Variants in IGSF21 observed in about 807,000 individuals in gnomAD.
The protein encoded by IGSF21 is immunoglobulin superfamily member 21.
Under a neutral mutation model 46.8 loss-of-function variants are expected in IGSF21, and 28 were observed. The observed-to-expected ratio is 0.60, with a 90% CI of 0.44 to 0.82. The LOEUF (loss-of-function observed/expected upper bound fraction) is 0.82, where lower values mean the gene tolerates loss of function less well. Among genes scored for constraint, IGSF21 ranks in the 40% least tolerant of loss-of-function variants. The pLI is 0.00. For synonymous variants in IGSF21, 284 were observed against 273.6 expected (o/e 1.04, Z -0.38); for missense variants, 624 against 665.5 (o/e 0.94, Z 0.69).
At chr1:18,116,916 G>C (rs1003337839) in intron 1 of IGSF21, among the ~76,000 whole-genome samples, 2 of 152,188 alleles carry the variant, frequency 1.3e-5, no homozygotes, top group African/African-American at 4.8e-5. Context: ...GGCAAGTGAG[G>C]GTTGGAGCTA....
Position 18,297,380 on chromosome 1 carries a change from A to G in IGSF21, c.305+5393A>G, listed in dbSNP as rs549481923. Among the ~76,000 whole-genome samples the G allele has an allele frequency of 2.0e-5, 3 of 152,288 alleles. No homozygotes were observed. In the East Asian group the frequency reaches 5.8e-4, roughly 29 times the overall value. On this transcript the variant is annotated intron_variant, in intron 3 of 9. Transcript: ENST00000251296. ...CCCCCAACACTCACATCATTCATTC[A>G]TCACAAAGGAATTGAGTAGTTACCA...
chr1:18,177,635 C>T (rs181177569), intron 1 of IGSF21, among the ~76,000 whole-genome samples: 5 of 152,144 alleles, frequency 3.3e-5, no homozygotes, highest in African/African-American at 9.6e-5. Flanking sequence ...CCTTAATTTG[C>T]ATGGGTTTGC....
rs113148175 is a variant in IGSF21 at position 18,308,170 on chromosome 1, G to A, written c.305+16183G>A. Among the ~76,000 whole-genome samples, 69 of 152,066 alleles carry A rather than the reference G, an allele frequency of 4.5e-4. 1 individual carries two copies. Among genetic ancestry groups the A allele is most frequent in the African/African-American group, 2.7e-4 (11 of 41,412 alleles). The stretch of plus-strand genomic sequence containing the variant: ...CTCATCACCGCCAAACGCTCACCCC[G>A]GTTCCCACAGAGCTCAGCACAAAGA... On this transcript the variant is annotated intron_variant, in intron 3 of 9. Transcript: ENST00000251296.
At chr1:18,208,512 G>A (rs2084356775) in intron 1 of IGSF21, among the ~76,000 whole-genome samples, 1 of 147,054 alleles carries the variant, frequency 6.8e-6, no homozygotes, top group Non-Finnish European at 1.5e-5. Flanking sequence ...CTCCCGAGCA[G>A]CTGGGACTAC....
rs145082193 is a variant in IGSF21, at chr1:18,164,025, C to A, written c.70+55827C>A. On this transcript the variant is annotated intron_variant, in intron 1 of 9. Coordinates refer to ENST00000251296, the MANE Select transcript of IGSF21 (RefSeq NM_032880.5). ...ATGAACGTGAAAAGAAGTAGAGAATCCACCAATGGGAGACTGCCCAGTGGC... is the reference window on the plus strand; with the variant it reads ...ATGAACGTGAAAAGAAGTAGAGAATACACCAATGGGAGACTGCCCAGTGGC... Among the ~76,000 whole-genome samples, 128 of 152,272 alleles carry A rather than the reference C, an allele frequency of 8.4e-4. 6 individuals are homozygous for A. The East Asian group carries it at 0.019, about 22-fold the overall frequency.
intron 1 of IGSF21, among the ~76,000 whole-genome samples, chr1:18,205,302 T>G (rs1408434319): frequency 6.6e-6 from 1 of 152,204 alleles, no homozygotes; most frequent in African/African-American, 2.4e-5. Flanking sequence ...AATAAACATA[T>G]ATGATTCTTG....
intron 2 of IGSF21, among the ~76,000 whole-genome samples, chr1:18,247,770 C>T (rs1269742531): frequency 2.0e-5 from 3 of 152,166 alleles, no homozygotes; most frequent in African/African-American, 7.2e-5. Context: ...ATCCCCATAG[C>T]AACCCTAGGG....
At chr1:18,239,941 C>A (rs1448481235) in intron 2 of IGSF21, among the ~76,000 whole-genome samples, 1 of 152,164 alleles carries the variant, frequency 6.6e-6, no homozygotes, top group African/African-American at 2.4e-5. Context: ...TTCTTGAGTA[C>A]CAACTAGTGC....
At position 18,335,081 on chromosome 1, in the gene IGSF21, G is replaced by A. The variant is rs373760581; in HGVS notation, c.424+71G>A. Reference sequence around the variant, plus strand: ...AGTATGCTTGAGTGTGTGAATGTGCGCACAGAGTGGCCATCCTGGGGGCCA... The same window carrying A: ...AGTATGCTTGAGTGTGTGAATGTGCACACAGAGTGGCCATCCTGGGGGCCA... On this transcript the variant is annotated intron_variant, in intron 4 of 9. Transcript: ENST00000251296. This position sits in a 1 kb window ranked among gnomAD's most constrained non-coding sequence, Gnocchi z 4.8. 4.3e-4 allele frequency: 496 copies of A among 1,162,202 alleles called. 5 individuals carry two copies. In the South Asian group the frequency reaches 5.5e-3, roughly 13 times the overall value. 72.0% of individuals were successfully genotyped at this position (1,162,202 alleles called of 1,614,324 possible).
chr1:18,122,193 C>CTTTTTTTTTTTTTTTTTTTTT (rs766563472), intron 1 of IGSF21, among the ~76,000 whole-genome samples: 2 of 78,762 alleles, frequency 2.5e-5, no homozygotes, highest in Admixed American at 1.7e-4. Flanking sequence ...TTCTTTCTTT[C>CTTTTTTTTTTTTTTTTTTTTT]TTTTTTTTTT....
intron 2 of IGSF21, among the ~76,000 whole-genome samples, chr1:18,284,683 G>A (rs1010589263): frequency 1.6e-4 from 24 of 152,194 alleles, no homozygotes; most frequent in African/African-American, 5.8e-4. Flanking sequence ...CAGTAAAACT[G>A]AGTCCCTTTC....
At chr1:18,242,272 C>A (rs189492942) in intron 2 of IGSF21, among the ~76,000 whole-genome samples, 1 of 152,126 alleles carries the variant, frequency 6.6e-6, no homozygotes, top group African/African-American at 2.4e-5. Context: ...GCCCCTTCTC[C>A]CCCACGCTGC....
At chr1:18,269,753 C>T (rs2085025194) in intron 2 of IGSF21, among the ~76,000 whole-genome samples, 1 of 152,174 alleles carries the variant, frequency 6.6e-6, no homozygotes, top group African/African-American at 2.4e-5. Flanking sequence ...TTCTTGCTCT[C>T]CAATGGTGAT....
chr1:18,223,724 T>A (rs1195713480), intron 1 of IGSF21, among the ~76,000 whole-genome samples: 1 of 152,198 alleles, frequency 6.6e-6, no homozygotes, highest in Non-Finnish European at 1.5e-5. Flanking sequence ...GACATACTCA[T>A]GGTCGTGGCA....
At chr1:18,315,529 G>A (rs1462583444) in intron 3 of IGSF21, among the ~76,000 whole-genome samples, 3 of 150,734 alleles carry the variant, frequency 2.0e-5, no homozygotes, top group African/African-American at 7.3e-5. Context: ...GTGTAGAATT[G>A]TTGGATGAGT....
chr1:18,301,822 C>T (rs2085364879), intron 3 of IGSF21, among the ~76,000 whole-genome samples: 1 of 152,190 alleles, frequency 6.6e-6, no homozygotes, highest in Non-Finnish European at 1.5e-5. Flanking sequence ...AGAGCCACAG[C>T]TTGGCAGTCC....
intron 4 of IGSF21, among the ~76,000 whole-genome samples, chr1:18,352,649 C>T (rs1012039570): frequency 4.2e-4 from 64 of 152,196 alleles, no homozygotes; most frequent in Admixed American, 4.2e-3. Flanking sequence ...CAGCAATAGC[C>T]TCAGTTGGGT....
At chr1:18,212,385 C>T (rs747125572) in intron 1 of IGSF21, among the ~76,000 whole-genome samples, 14 of 152,226 alleles carry the variant, frequency 9.2e-5, no homozygotes, top group Admixed American at 1.3e-4. Context: ...GTGGTCCTGA[C>T]AATTCTCCTA....
At chr1:18,127,503 A>C (rs970053076) in intron 1 of IGSF21, among the ~76,000 whole-genome samples, 4 of 151,902 alleles carry the variant, frequency 2.6e-5, no homozygotes, top group African/African-American at 7.3e-5. Flanking sequence ...CACGTGGAGA[A>C]CTTAGGGTGG....
Sources: gnomAD v4.1 joint callset for allele counts (sites outside exome capture counted in the v4.1 genomes callset) on GRCh38, gnomAD v4.1.1 for gene constraint, Gnocchi (gnomAD v3.1) non-coding constraint, MANE v1.5 for transcripts, NCBI Gene and HGNC (gene_info 2026-07-23, HGNC 2026-07-21) for gene names.